SOX5: variants seen among roughly 807,000 people sequenced by gnomAD.
The protein encoded by SOX5 is SRY-box transcription factor 5.
SOX5 carries 9 observed loss-of-function variants against 92.0 expected under a neutral mutation model. The ratio of observed to expected loss-of-function variants is 0.10; its 90% CI spans 0.06 to 0.17. The LOEUF (loss-of-function observed/expected upper bound fraction) is 0.17. Among genes scored for constraint, SOX5 ranks in the 10% least tolerant of loss-of-function variants. The pLI, the probability that SOX5 is intolerant of heterozygous loss-of-function variation, is 1.00. For synonymous variants in SOX5, 344 were observed against 336.3 expected, an observed-to-expected ratio of 1.02 and a Z score of -0.25; for missense variants, 642 against 944.5, an observed-to-expected ratio of 0.68 and a Z score of 4.20.
chr12:23,924,357 G>A (rs926256519), intron 1 of SOX5, among the ~76,000 whole-genome samples: 1 of 151,994 alleles, frequency 6.6e-6, no homozygotes, highest in Admixed American at 6.6e-5. Context: ...CCTAGGACCA[G>A]ACTTTATCAT....
Position 24,371,561 on chromosome 12 carries a change from C to A in SOX5, c.-250-2922G>T, listed in dbSNP as rs1480858587. Reference sequence around the variant, plus strand: ...ATATCAACTTCTCTTTAGTCTTTCACCCTGAAAACAGGAGTCAGTTATGGG... The same window carrying A: ...ATATCAACTTCTCTTTAGTCTTTCAACCTGAAAACAGGAGTCAGTTATGGG... On this transcript the variant is annotated intron_variant, in intron 1 of 4. Transcript: ENST00000446891. Among the ~76,000 whole-genome samples, 3 of 152,182 alleles carry A rather than the reference C, an allele frequency of 2.0e-5. No homozygotes were observed. The East Asian group carries it at 5.8e-4, about 29-fold the overall frequency.
At chr12:23,550,601 T>C (rs1400740751) in intron 11 of SOX5, among the ~76,000 whole-genome samples, 1 of 151,884 alleles carries the variant, frequency 6.6e-6, no homozygotes, top group Non-Finnish European at 1.5e-5. Context: ...AAAAAGGGAA[T>C]TTTAGTAACA....
intron 4 of SOX5, among the ~76,000 whole-genome samples, chr12:24,190,911 A>G (rs191261889): frequency 5.3e-5 from 8 of 152,374 alleles, no homozygotes; most frequent in Admixed American, 5.2e-4. Flanking sequence ...ACAGAATCAA[A>G]TAAGACAGGA....
chr12:23,998,846 G>A (rs1951305367), intron 4 of SOX5, among the ~76,000 whole-genome samples: 2 of 140,238 alleles, frequency 1.4e-5, no homozygotes, highest in South Asian at 2.4e-4. Context: ...AAAATTATTT[G>A]AAGTGTAATA....
rs555083780 is a variant in SOX5, at chr12:23,937,164, G to T, written c.38+12400C>A. 2.9e-3 allele frequency among the ~76,000 whole-genome samples: 438 copies of T among 150,940 alleles called. 1 individual carries two copies. The highest frequency in any genetic ancestry group is 9.4e-3 in the African/African-American group (388 of 41,382). On this transcript the variant is annotated intron_variant, in intron 1 of 14. Coordinates refer to ENST00000451604, the MANE Select transcript of SOX5 (RefSeq NM_006940.6). Reference sequence around the variant, plus strand: ...TTTTCCTAATGTTTAAAAAGACAAAGTATATCTCAGCTAAAGATAATACAA... The same window carrying T: ...TTTTCCTAATGTTTAAAAAGACAAATTATATCTCAGCTAAAGATAATACAA...
At chr12:24,311,068 T>C in intron 2 of SOX5, among the ~76,000 whole-genome samples, 1 of 152,160 alleles carries the variant, frequency 6.6e-6, no homozygotes, top group East Asian at 1.9e-4. Context: ...ATAAAAAAAT[T>C]CCAACCTATC....
At chr12:24,362,235 C>T (rs980844648) in intron 2 of SOX5, among the ~76,000 whole-genome samples, 1 of 152,146 alleles carries the variant, frequency 6.6e-6, no homozygotes, top group Non-Finnish European at 1.5e-5. Flanking sequence ...TTACAGAAGT[C>T]ATAAGGGGCA....
In SOX5 at chr12:24,445,872, TTCTC is replaced by T. The variant is rs371438541; in HGVS notation, c.-250-77237_-250-77234del. On this transcript the variant is annotated intron_variant, in intron 1 of 4. Transcript: ENST00000446891. ...ATTGATGGGAACAGGGTTAGCTTTA[TTCTC>T]TCTCTATGGAGGAAATTTACTATGA... 3.5e-3 allele frequency among the ~76,000 whole-genome samples: 535 copies of T among 152,278 alleles called. 2 individuals are homozygous for T. Among genetic ancestry groups the T allele is most frequent in the African/African-American group, 0.012 (505 of 41,544 alleles).
intron 3 of SOX5, among the ~76,000 whole-genome samples, chr12:24,222,144 A>G (rs1405682034): frequency 1.3e-5 from 2 of 152,176 alleles, no homozygotes; most frequent in Non-Finnish European, 2.9e-5. Context: ...TTCTGAGTGG[A>G]CAGCTCCTCT....
chr12:23,967,349 A>G (rs1033826724), intron 4 of SOX5, among the ~76,000 whole-genome samples: 1 of 152,150 alleles, frequency 6.6e-6, no homozygotes, highest in African/African-American at 2.4e-5. Context: ...ATTTTAAAAA[A>G]GTATATTAAA....
At chr12:24,311,093 A>C (rs77685693) in intron 2 of SOX5, among the ~76,000 whole-genome samples, 2,537 of 152,314 alleles carry the variant, frequency 0.017, 36 homozygotes, top group Non-Finnish European at 0.025. Context: ...CTGAAAGTTC[A>C]TAAGACCCTC....
chr12:23,531,611 T>C lies in SOX5; in HGVS notation c.*2608A>G, dbSNP rs932436560. On this transcript the variant is annotated 3_prime_UTR_variant, in exon 15 of 15. Transcript: ENST00000451604. ...AGACAGAGAACAAATTTTTTAAAAA[T>C]CTGTTTTCACATTGTACATAAAAAT... 1 of 152,202 alleles carries C rather than the reference T, an allele frequency of 6.6e-6. No homozygotes were observed. Among genetic ancestry groups the C allele is most frequent in the Non-Finnish European group, 1.5e-5 (1 of 68,024 alleles). 9.4% of individuals were successfully genotyped at this position (152,202 alleles called of 1,614,324 possible). A position where few individuals can be genotyped will look rare whatever the true frequency, so the allele number is the denominator to read the frequency against.
At chr12:24,409,466 ATTT>A (rs887487122) in intron 1 of SOX5, among the ~76,000 whole-genome samples, 1 of 152,066 alleles carries the variant, frequency 6.6e-6, no homozygotes, top group Non-Finnish European at 1.5e-5. Flanking sequence ...AGAAAAAATA[ATTT>A]TTTTTAAAGT....
chr12:24,337,673 C>A (rs111591823), intron 2 of SOX5, among the ~76,000 whole-genome samples: 1 of 151,990 alleles, frequency 6.6e-6, no homozygotes, highest in Non-Finnish European at 1.5e-5. Flanking sequence ...CTTTTAAGTT[C>A]GGTAGACATG....
At chr12:23,765,146 C>A (rs1473651189) in intron 3 of SOX5, among the ~76,000 whole-genome samples, 1 of 151,738 alleles carries the variant, frequency 6.6e-6, no homozygotes, top group Non-Finnish European at 1.5e-5. Context: ...ACATACATAT[C>A]TTTCTCAACC....
chr12:23,953,053 A>G (rs1207825747), upstream of SOX5, among the ~76,000 whole-genome samples: 2 of 152,198 alleles, frequency 1.3e-5, no homozygotes, highest in Non-Finnish European at 2.9e-5. Context: ...GCTGTCATTA[A>G]GCTAATACTG....
At chr12:24,461,790 C>T (rs745743325) in intron 1 of SOX5, among the ~76,000 whole-genome samples, 10 of 152,116 alleles carry the variant, frequency 6.6e-5, no homozygotes, top group Non-Finnish European at 1.5e-4. Flanking sequence ...TGAATAGCTT[C>T]AATGCTTTAA....
At chr12:23,928,274 A>T (rs1301353418) in intron 1 of SOX5, among the ~76,000 whole-genome samples, 1 of 152,090 alleles carries the variant, frequency 6.6e-6, no homozygotes, top group Non-Finnish European at 1.5e-5. Context: ...TTCAACATCC[A>T]TTAGCAGAGG....
chr12:24,362,970 C>T (rs573543826), intron 2 of SOX5, among the ~76,000 whole-genome samples: 3 of 151,618 alleles, frequency 2.0e-5, no homozygotes, highest in East Asian at 1.9e-4. Context: ...AGACCCAATT[C>T]CTCAAATTCA....
Sources: allele counts gnomAD v4.1 joint callset (sites outside exome capture counted in the v4.1 genomes callset), GRCh38; gene constraint gnomAD v4.1.1; transcripts MANE v1.5; gene names NCBI Gene and HGNC (gene_info 2026-07-23, HGNC 2026-07-21).